The following KCTD16 variants were observed in gnomAD, a reference collection of about 807,000 sequenced individuals.
The protein encoded by KCTD16 is potassium channel tetramerization domain containing 16, also known as BTB/POZ domain-containing protein KCTD16.
Under a neutral mutation model 33.2 loss-of-function variants are expected in KCTD16, and 13 were observed. The observed-to-expected ratio is 0.39, with a 90% confidence interval of 0.25 to 0.62. The LOEUF (loss-of-function observed/expected upper bound fraction) is 0.62. KCTD16 is among the 20% of genes least tolerant of loss of function. The pLI is 0.50. For synonymous variants in KCTD16, 197 were observed against 195.3 expected (o/e 1.01, Z -0.07); for missense variants, 441 against 525.1 (o/e 0.84, Z 1.57).
At chr5:144,407,469 A>T (rs377230218) in intron 3 of KCTD16, among the ~76,000 whole-genome samples, 168 of 151,884 alleles carry the variant, frequency 1.1e-3, no homozygotes, top group African/African-American at 3.8e-3. Context: ...CGTACATATT[A>T]TTTTGTCCCT....
chr5:144,358,239 G>C (rs1312189685), intron 3 of KCTD16, among the ~76,000 whole-genome samples: 1 of 151,954 alleles, frequency 6.6e-6, no homozygotes, highest in African/African-American at 2.4e-5. Flanking sequence ...TGACCGCCTA[G>C]GCTGTGTTTT....
intron 3 of KCTD16, among the ~76,000 whole-genome samples, chr5:144,294,545 T>G (rs1430638332): frequency 6.6e-6 from 1 of 152,222 alleles, no homozygotes; most frequent in Non-Finnish European, 1.5e-5. Flanking sequence ...ATTAGCATGT[T>G]ATTTGACTCA....
intron 2 of KCTD16, chr5:144,205,704 A>G (rs1753149403): frequency 2.5e-6 from 1 of 397,590 alleles, no homozygotes; most frequent in African/African-American, 2.1e-5. Context: ...TCCCCTGGGG[A>G]AGCTTTGGTT....
intron 3 of KCTD16, chr5:144,369,505 A>C (rs1417805279): frequency 6.6e-6 from 1 of 152,102 alleles, no homozygotes; most frequent in Non-Finnish European, 1.5e-5. Flanking sequence ...CCCTATTACT[A>C]TATGATTATT....
At position 144,476,853 on chromosome 5, in the gene KCTD16, A is replaced by G. The variant is rs972816568; in HGVS notation, c.*2739A>G. The G allele has an allele frequency of 2.6e-5, 4 of 152,124 alleles. No individual in the cohort carries two copies. Among genetic ancestry groups the G allele is most frequent in the Non-Finnish European group, 5.9e-5 (4 of 68,012 alleles). 9.4% of individuals were successfully genotyped at this position (152,124 alleles called of 1,614,324 possible). A position where few individuals can be genotyped will look rare whatever the true frequency, so the allele number is the denominator to read the frequency against. The stretch of plus-strand genomic sequence containing the variant: ...GGGCATGTTTCCCTGAAGTTAAAAT[A>G]GTTTTTAGAACTTTTTGTTTAATTC... On this transcript the variant is annotated 3_prime_UTR_variant, in exon 4 of 4. Coordinates refer to ENST00000512467, the MANE Select transcript of KCTD16 (RefSeq NM_020768.4).
chr5:144,377,315 T>C (rs1752116020), intron 3 of KCTD16, among the ~76,000 whole-genome samples: 2 of 152,134 alleles, frequency 1.3e-5, no homozygotes, highest in Admixed American at 1.3e-4. Context: ...CTATAAGGAA[T>C]GGAGTGGACA....
At chr5:144,356,372 C>T (rs903511458) in intron 3 of KCTD16, among the ~76,000 whole-genome samples, 1 of 152,018 alleles carries the variant, frequency 6.6e-6, no homozygotes, top group Non-Finnish European at 1.5e-5. Flanking sequence ...TCAAACAAAC[C>T]TTTAATCTCC....
At chr5:144,467,687 G>C (rs1235299149) in intron 3 of KCTD16, among the ~76,000 whole-genome samples, 1 of 152,120 alleles carries the variant, frequency 6.6e-6, no homozygotes, top group Non-Finnish European at 1.5e-5. Context: ...CAGGGCAGGA[G>C]CTGAAGTGAG....
chr5:144,339,627 G>T (rs1752578156), intron 3 of KCTD16, among the ~76,000 whole-genome samples: 1 of 152,088 alleles, frequency 6.6e-6, no homozygotes, highest in South Asian at 2.1e-4. Context: ...TGTTAGGTGT[G>T]GTCTAGTGCC....
chr5:144,416,409 G>A (rs951758350), intron 3 of KCTD16, among the ~76,000 whole-genome samples: 4 of 152,152 alleles, frequency 2.6e-5, no homozygotes, highest in East Asian at 1.9e-4. Context: ...GACAAGTTAC[G>A]TCATCATTCT....
chr5:144,372,809 C>A (rs910666874), intron 3 of KCTD16, among the ~76,000 whole-genome samples: 12 of 152,232 alleles, frequency 7.9e-5, no homozygotes, highest in African/African-American at 2.6e-4. Context: ...TAATGAAATA[C>A]CATGGCAGGC....
chr5:144,225,312 A>T (rs1475425817), intron 3 of KCTD16, among the ~76,000 whole-genome samples: 1 of 152,108 alleles, frequency 6.6e-6, no homozygotes, highest in African/African-American at 2.4e-5. Context: ...ATTGAACCAG[A>T]TTGGGCCGAA....
In KCTD16 at chr5:144,273,592, G is replaced by C. The variant is rs373588300; in HGVS notation, c.832+66046G>C. 2.6e-4 allele frequency among the ~76,000 whole-genome samples: 40 copies of C among 152,202 alleles called. 1 individual carries two copies. In the East Asian group the frequency reaches 4.3e-3, roughly 16 times the overall value. The stretch of plus-strand genomic sequence containing the variant: ...CTAAGTGTCCTTTGACAGATGAATA[G>C]ATAAGCACAATGTAATTCTGACACA... On this transcript the variant is annotated intron_variant, in intron 3 of 3. Coordinates refer to ENST00000512467, the MANE Select transcript of KCTD16 (RefSeq NM_020768.4).
At chr5:144,267,657 A>G (rs562022192) in intron 3 of KCTD16, among the ~76,000 whole-genome samples, 1 of 152,304 alleles carries the variant, frequency 6.6e-6, no homozygotes, top group East Asian at 1.9e-4. Flanking sequence ...TTCTTCTTAC[A>G]AAGTTTCCAC....
Position 144,206,921 on chromosome 5 carries a change from C to T in KCTD16, c.207C>T (p.Ser69=), listed in dbSNP as rs1304226813. 1 of 1,614,082 alleles carries T rather than the reference C, an allele frequency of 6.2e-7. No homozygotes were observed. Among genetic ancestry groups the T allele is most frequent in the Non-Finnish European group, 8.5e-7 (1 of 1,179,992 alleles). ...RDTANDLAKD[S]KGRFFIDRDG... Reference sequence around the variant, plus strand: ...CGGCTAATGATCTAGCCAAGGACTCCAAGGGAAGGTTTTTCATTGACAGAG... The same window carrying T: ...CGGCTAATGATCTAGCCAAGGACTCTAAGGGAAGGTTTTTCATTGACAGAG... The change falls in exon 3 of 4, where the codon TCC becomes TCT. Residue 69 remains serine, a synonymous_variant. Transcript: ENST00000512467.
At chr5:144,186,666 C>T (rs1191357952) in intron 2 of KCTD16, among the ~76,000 whole-genome samples, 1 of 151,986 alleles carries the variant, frequency 6.6e-6, no homozygotes, top group African/African-American at 2.4e-5. Context: ...CAACACATGC[C>T]CAATCCAAAG....
At chr5:144,266,196 T>G (rs760256706) in intron 3 of KCTD16, among the ~76,000 whole-genome samples, 1 of 152,200 alleles carries the variant, frequency 6.6e-6, no homozygotes, top group Non-Finnish European at 1.5e-5. Context: ...TATGCATGCA[T>G]GCATATATGT....
At chr5:144,256,060 A>T (rs947032824) in intron 3 of KCTD16, among the ~76,000 whole-genome samples, 14 of 152,186 alleles carry the variant, frequency 9.2e-5, no homozygotes, top group Non-Finnish European at 1.6e-4. Flanking sequence ...TTGTACCAGG[A>T]TGCTTTCAAG....
At chr5:144,207,667 T>G (rs1247247802) in intron 3 of KCTD16, 121 bp downstream of exon 3, 1 of 776,812 alleles carries the variant, frequency 1.3e-6, no homozygotes, top group African/African-American at 1.8e-5. Flanking sequence ...AACTCTTGAG[T>G]TGTAGTTAGA....
Sources: gnomAD v4.1 joint callset for allele counts (sites outside exome capture counted in the v4.1 genomes callset) on GRCh38, gnomAD v4.1.1 for gene constraint, MANE v1.5 for transcripts, NCBI Gene and HGNC (gene_info 2026-07-23, HGNC 2026-07-21) for gene names.